The following BCR variants were observed in gnomAD, a reference collection of about 807,000 sequenced individuals.
BCR encodes BCR activator of RhoGEF and GTPase, also known as breakpoint cluster region protein.
A neutral mutation model predicts 138.6 loss-of-function variants in BCR; 58 were observed. The ratio of observed to expected loss-of-function variants is 0.42; its 90% CI spans 0.34 to 0.52. BCR has a LOEUF of 0.52. Ranked by LOEUF, BCR falls within the 20% of genes least tolerant of loss-of-function variation. The pLI, the probability that BCR is intolerant of heterozygous loss-of-function variation, is 0.06. For missense variants in BCR, 1,599 were observed against 1,727.2 expected, an observed-to-expected ratio of 0.93 and a Z score of 1.32; for synonymous variants, 786 against 730.1, an observed-to-expected ratio of 1.08 and a Z score of -1.23.
chr22:23,193,565 G>A (rs2072441038), intron 1 of BCR, among the ~76,000 whole-genome samples: 1 of 152,232 alleles, frequency 6.6e-6, no homozygotes, highest in Admixed American at 6.5e-5. Flanking sequence ...TGAGCTCCGG[G>A]GGGACCCTGG....
intron 6 of BCR, 83 bp from the exon 7 acceptor site, chr22:23,272,998 A>AAC: frequency 6.7e-7 from 1 of 1,482,162 alleles, no homozygotes; most frequent in Non-Finnish European, 9.4e-7. Context: ...CCCCCTCCCC[A>AAC]CTCACCCTTG....
chr22:23,241,942 C>T (rs970432758), intron 1 of BCR, among the ~76,000 whole-genome samples: 1 of 152,190 alleles, frequency 6.6e-6, no homozygotes, highest in Admixed American at 6.5e-5. Flanking sequence ...TCCTCTCTCT[C>T]CTCTCACTGC....
chr22:23,217,032 A>T, intron 1 of BCR: 1 of 452,400 alleles, frequency 2.2e-6, no homozygotes, highest in South Asian at 1.6e-5. Context: ...CAGCAGTGTC[A>T]TGTGGACACA....
intron 16 of BCR, among the ~76,000 whole-genome samples, chr22:23,300,272 A>T (rs373618461): frequency 1.3e-5 from 2 of 151,824 alleles, no homozygotes; most frequent in Admixed American, 6.6e-5. Context: ...GGATTTGCCT[A>T]CTCTAGCTAC....
intron 1 of BCR, among the ~76,000 whole-genome samples, chr22:23,187,658 A>G (rs2072363044): frequency 1.3e-5 from 2 of 151,848 alleles, no homozygotes; most frequent in East Asian, 1.9e-4. Flanking sequence ...TTTTTCCCCC[A>G]TTGAGACATA....
At chr22:23,206,683 G>T (rs2146214739) in intron 1 of BCR, among the ~76,000 whole-genome samples, 1 of 151,904 alleles carries the variant, frequency 6.6e-6, no homozygotes, top group Admixed American at 6.6e-5. Context: ...ACCTTTTCAA[G>T]CCCCAAGATG....
Position 23,216,501 on chromosome 22 carries a change from A to C in BCR, c.1279+34262A>C, listed in dbSNP as rs117582309. Among the ~76,000 whole-genome samples, 1,379 of 152,362 alleles carry C rather than the reference A, an allele frequency of 9.1e-3. 13 individuals carry two copies. Among genetic ancestry groups the C allele is most frequent in the Non-Finnish European group, 0.014 (941 of 68,030 alleles). ...ACGATTCTGTCATCATCCGATGGTA[A>C]GGATGAAAATGAATTAGCAACGTGG... On this transcript the variant is annotated intron_variant, in intron 1 of 22. Transcript: ENST00000305877.
At chr22:23,282,035 A>G (rs1276351653) in intron 8 of BCR, among the ~76,000 whole-genome samples, 4 of 152,240 alleles carry the variant, frequency 2.6e-5, no homozygotes, top group African/African-American at 9.6e-5. Flanking sequence ...CTGCCTTTGT[A>G]TGGAGAAGGC....
At chr22:23,260,033 G>C (rs5759665) in intron 2 of BCR, among the ~76,000 whole-genome samples, 45,435 of 152,108 alleles carry the variant, frequency 0.3, 7,327 homozygotes, top group Middle Eastern at 0.42. Context: ...TTTGGCTTCA[G>C]TTTACCTTAA....
chr22:23,276,675 TTGCCCC>T (rs2073580613), intron 8 of BCR, among the ~76,000 whole-genome samples: 1 of 152,228 alleles, frequency 6.6e-6, no homozygotes, highest in Non-Finnish European at 1.5e-5. Flanking sequence ...TGCCTGTGCT[TTGCCCC>T]TGCCCCTGCC....
chr22:23,300,615 G>A (rs1049066261), intron 16 of BCR, among the ~76,000 whole-genome samples: 1 of 152,172 alleles, frequency 6.6e-6, no homozygotes, highest in Non-Finnish European at 1.5e-5. Context: ...AGTCCAACAG[G>A]GAGACCGCCC....
intron 1 of BCR, among the ~76,000 whole-genome samples, chr22:23,210,885 C>T (rs1046195147): frequency 5.3e-5 from 8 of 152,162 alleles, no homozygotes; most frequent in African/African-American, 1.7e-4. Flanking sequence ...CCCTTTCTAT[C>T]CCACTAACAT....
At chr22:23,257,455 C>G (rs1230774688) in intron 2 of BCR, among the ~76,000 whole-genome samples, 1 of 152,284 alleles carries the variant, frequency 6.6e-6, no homozygotes, top group Non-Finnish European at 1.5e-5. Context: ...GCTGCCCTAG[C>G]AGCCTCCCTG....
At chr22:23,294,799 G>A (rs751875353) in intron 15 of BCR, among the ~76,000 whole-genome samples, 259 of 152,330 alleles carry the variant, frequency 1.7e-3, no homozygotes, top group Middle Eastern at 3.4e-3. Context: ...AAGTTTGAAA[G>A]GCAGTCGGAG....
chr22:23,273,259 G>A, intron 7 of BCR, 126 bp downstream of exon 7: 1 of 1,047,734 alleles, frequency 9.5e-7, no homozygotes, highest in Non-Finnish European at 1.4e-6. Context: ...GGCATCTAAT[G>A]GGTAGAGGCC....
At chr22:23,287,043 G>T (rs2073722287) in intron 10 of BCR, 116 bp from the exon 11 acceptor site, 2 of 1,516,464 alleles carry the variant, frequency 1.3e-6, no homozygotes, top group Non-Finnish European at 1.8e-6. Context: ...TGAGTGGAGA[G>T]ATGGGATTCT....
chr22:23,272,588 C>T (rs76883878), intron 6 of BCR, among the ~76,000 whole-genome samples: 3 of 152,180 alleles, frequency 2.0e-5, no homozygotes, highest in East Asian at 1.9e-4. Flanking sequence ...TCGGGCAGGT[C>T]GCCAGAGAAC....
intron 19 of BCR, 92 bp downstream of exon 19, chr22:23,311,928 A>G: frequency 6.5e-7 from 1 of 1,531,948 alleles, no homozygotes; most frequent in Non-Finnish European, 8.8e-7. Flanking sequence ...GGCATGTCAC[A>G]TCCTTCTCTG....
In BCR at chr22:23,290,340, TG is replaced by T. The variant is rs2073771471; in HGVS notation, c.2710del (p.Asp904MetfsTer10). The part of the protein sequence containing the change: ...SIPLTINKED[D>X]ESPGLYGFLN... ...TGACCTCTTTGATCTCTTGCGCAGA[TG>T]ATGAGTCTCCGGGGCTCTATGGGTT... On this transcript the variant is annotated frameshift_variant and splice_region_variant, in exon 14 of 23. Coordinates refer to ENST00000305877, the MANE Select transcript of BCR (RefSeq NM_004327.4). LOFTEE classifies it high-confidence loss of function. 1.2e-6 allele frequency: 2 copies of T among 1,613,882 alleles called. No individual in the cohort carries two copies. The highest frequency in any genetic ancestry group is 8.5e-7 in the Non-Finnish European group (1 of 1,179,886).
Sources: allele counts gnomAD v4.1 joint callset (sites outside exome capture counted in the v4.1 genomes callset), GRCh38; gene constraint gnomAD v4.1.1; transcripts MANE v1.5; gene names NCBI Gene and HGNC (gene_info 2026-07-23, HGNC 2026-07-21).